The following IL1RAPL2 variants were observed in gnomAD, a reference collection of about 807,000 sequenced individuals.
IL1RAPL2 encodes X-linked interleukin-1 receptor accessory protein-like 2.
IL1RAPL2 carries 3 observed loss-of-function variants against 44.1 expected under a neutral mutation model. That is an observed-to-expected ratio of 0.07 (90% CI 0.03 to 0.18). IL1RAPL2 has a LOEUF of 0.18. Among genes scored for constraint, IL1RAPL2 ranks in the 10% least tolerant of loss-of-function variants. IL1RAPL2 has a pLI of 1.00. For synonymous variants in IL1RAPL2, 181 were observed against 178.8 expected, an observed-to-expected ratio of 1.01 and a Z score of -0.10; for missense variants, 391 against 496.4, an observed-to-expected ratio of 0.79 and a Z score of 2.02.
At chrX:105,161,380 G>A (rs1015865495) in intron 2 of IL1RAPL2, among the ~76,000 whole-genome samples, 1 of 109,633 alleles carries the variant, frequency 9.1e-6, no homozygotes, top group Non-Finnish European at 1.9e-5. Flanking sequence ...AGGCAAATGG[G>A]TACAACAACT....
intron 4 of IL1RAPL2, among the ~76,000 whole-genome samples, chrX:105,245,118 A>G (rs1453243699): frequency 1.8e-5 from 2 of 112,174 alleles, no homozygotes; most frequent in Admixed American, 1.9e-4. Flanking sequence ...TGATTTAACT[A>G]ACGTCTTAAC....
At chrX:104,581,314 T>C (rs1455479937) in intron 1 of IL1RAPL2, among the ~76,000 whole-genome samples, 1 of 112,104 alleles carries the variant, frequency 8.9e-6, no homozygotes. Flanking sequence ...TTGTATTGTG[T>C]GGGTCTCCCA....
intron 3 of IL1RAPL2, among the ~76,000 whole-genome samples, chrX:105,213,333 A>G (rs1168526973): frequency 9.2e-6 from 1 of 108,729 alleles, no homozygotes; most frequent in Non-Finnish European, 1.9e-5. Context: ...TGAAGCATAC[A>G]CAAGTATCAA....
intron 2 of IL1RAPL2, among the ~76,000 whole-genome samples, chrX:104,840,267 T>C (rs1044372735): frequency 2.7e-5 from 3 of 112,010 alleles, no homozygotes; most frequent in African/African-American, 9.7e-5. Flanking sequence ...TATTGTCTCT[T>C]TGTTCTCATT....
intron 2 of IL1RAPL2, among the ~76,000 whole-genome samples, chrX:105,155,019 C>T (rs1256705141): frequency 9.0e-6 from 1 of 111,715 alleles, no homozygotes; most frequent in Non-Finnish European, 1.9e-5. Context: ...ATCATCAAGT[C>T]CTGTTGATCC....
rs61339464 is a variant in IL1RAPL2 at position 104,812,115 on chromosome X, C to G, written c.82+153120C>G. Among the ~76,000 whole-genome samples the G allele has an allele frequency of 7.2e-3, 802 of 110,640 alleles. 6 individuals carry two copies. The highest frequency in any genetic ancestry group is 0.025 in the African/African-American group (759 of 30,447). ...GCAGGGCTTTGAATTTCATTTCAAC[C>G]GACAAACATTCTGCTCATCAAACAG... On this transcript the variant is annotated intron_variant, in intron 2 of 10. Transcript: ENST00000372582.
At chrX:104,704,337 C>T (rs899906860) in intron 2 of IL1RAPL2, among the ~76,000 whole-genome samples, 3 of 111,358 alleles carry the variant, frequency 2.7e-5, no homozygotes, top group African/African-American at 9.8e-5. Flanking sequence ...GTGGCAGAAA[C>T]GCTAGATGAG....
At chrX:105,240,956 A>C (rs2034165745) in intron 4 of IL1RAPL2, among the ~76,000 whole-genome samples, 1 of 111,466 alleles carries the variant, frequency 9.0e-6, no homozygotes, top group African/African-American at 3.3e-5. Context: ...AATGGCTTGA[A>C]CACAAGGGGA....
chrX:105,030,944 G>C (rs773037978), intron 2 of IL1RAPL2, among the ~76,000 whole-genome samples: 7 of 111,026 alleles, frequency 6.3e-5, no homozygotes, highest in Non-Finnish European at 1.1e-4. Flanking sequence ...AGTTCTCCTT[G>C]AAGAGGTCCT....
chrX:105,407,454 A>C (rs1015345112), intron 5 of IL1RAPL2, among the ~76,000 whole-genome samples: 2 of 111,748 alleles, frequency 1.8e-5, no homozygotes, highest in African/African-American at 6.5e-5. Context: ...TATTTATTGA[A>C]TACCTAGATG....
At chrX:104,605,541 G>T (rs1928989742) in intron 1 of IL1RAPL2, among the ~76,000 whole-genome samples, 1 of 111,416 alleles carries the variant, frequency 9.0e-6, no homozygotes, top group African/African-American at 3.3e-5. Flanking sequence ...CTGGTTCTGT[G>T]AAAAGATCAA....
At chrX:104,775,748 A>C (rs1932708226) in intron 2 of IL1RAPL2, among the ~76,000 whole-genome samples, 1 of 111,714 alleles carries the variant, frequency 9.0e-6, no homozygotes, top group Non-Finnish European at 1.9e-5. Context: ...TTTGAAGGCC[A>C]TACAAGGGAA....
At chrX:105,763,661 GGAGAAAAAGA>G (rs1453055736) in intron 10 of IL1RAPL2, among the ~76,000 whole-genome samples, 2 of 110,195 alleles carry the variant, frequency 1.8e-5, no homozygotes, top group Non-Finnish European at 3.8e-5. Flanking sequence ...GGGAAATGGG[GGAGAAAAAGA>G]GAGAAAAACA....
intron 1 of IL1RAPL2, among the ~76,000 whole-genome samples, 172 bp from the exon 2 acceptor site, chrX:104,658,723 G>T (rs1930326802): frequency 8.9e-6 from 1 of 112,695 alleles, no homozygotes; most frequent in South Asian, 3.6e-4. Flanking sequence ...ACCTGACATG[G>T]TTTAACTGTG....
chrX:105,574,228 T>C (rs1464194903), intron 6 of IL1RAPL2, among the ~76,000 whole-genome samples: 5 of 111,830 alleles, frequency 4.5e-5, no homozygotes, highest in Non-Finnish European at 9.4e-5. Flanking sequence ...AAACAGTAAA[T>C]ATAAGCTAAT....
intron 2 of IL1RAPL2, among the ~76,000 whole-genome samples, chrX:104,906,700 C>T (rs1302602081): frequency 9.0e-6 from 1 of 111,606 alleles, no homozygotes; most frequent in African/African-American, 3.3e-5. Context: ...CTGCTGGATT[C>T]GTTTTGCCAG....
chrX:105,709,649 C>T (rs989943944), intron 6 of IL1RAPL2, among the ~76,000 whole-genome samples: 11 of 111,339 alleles, frequency 9.9e-5, no homozygotes, highest in African/African-American at 2.9e-4. Flanking sequence ...GGGGCTATAA[C>T]GTTGACGTCC....
chrX:105,692,671 A>G (rs1279632949), intron 6 of IL1RAPL2, among the ~76,000 whole-genome samples: 14 of 39,258 alleles, frequency 3.6e-4, no homozygotes, highest in Admixed American at 2.2e-3. Context: ...TGCTGAATGA[A>G]AAAAAAAAAA....
At chrX:104,943,627 C>T (rs1420367546) in intron 2 of IL1RAPL2, among the ~76,000 whole-genome samples, 1 of 111,367 alleles carries the variant, frequency 9.0e-6, no homozygotes, top group Admixed American at 9.6e-5. Context: ...CCCACCTCCT[C>T]CTTCTAGTCT....
Sources: allele counts gnomAD v4.1 joint callset (sites outside exome capture counted in the v4.1 genomes callset), GRCh38; gene constraint gnomAD v4.1.1; transcripts MANE v1.5; gene names NCBI Gene and HGNC (gene_info 2026-07-23, HGNC 2026-07-21).